Variants in SLC6A15 observed in about 807,000 individuals in gnomAD.
SLC6A15 encodes sodium-dependent neutral amino acid transporter B(0)AT2.
A neutral mutation model predicts 68.5 loss-of-function variants in SLC6A15; 33 were observed. The ratio of observed to expected loss-of-function variants is 0.48; its 90% CI spans 0.37 to 0.64. SLC6A15 has a LOEUF of 0.64. Among genes scored for constraint, SLC6A15 ranks in the 30% least tolerant of loss-of-function variants. The pLI, the probability that SLC6A15 is intolerant of heterozygous loss-of-function variation, is 0.00. For missense variants in SLC6A15, 747 were observed against 874.3 expected (o/e 0.85, Z 1.84); for synonymous variants, 347 against 301.0 (o/e 1.15, Z -1.58).
intron 1 of SLC6A15, among the ~76,000 whole-genome samples, chr12:84,901,080 A>G (rs184257781): frequency 2.0e-4 from 30 of 148,714 alleles, no homozygotes; most frequent in South Asian, 8.5e-4. Context: ...GTGTGTGTGT[A>G]TATATATATA....
chr12:84,910,148 C>T (rs1240579174), intron 1 of SLC6A15, among the ~76,000 whole-genome samples: 4 of 151,686 alleles, frequency 2.6e-5, no homozygotes, highest in Non-Finnish European at 5.9e-5. Context: ...TTTCTTAATT[C>T]GATTAAAATA....
chr12:84,893,549 C>T (rs1383628385), intron 1 of SLC6A15, among the ~76,000 whole-genome samples: 4 of 152,100 alleles, frequency 2.6e-5, no homozygotes, highest in African/African-American at 4.8e-5. Context: ...AATATGACTG[C>T]TTCTCTTCAA....
intron 1 of SLC6A15, among the ~76,000 whole-genome samples, chr12:84,897,468 G>A (rs953518073): frequency 6.6e-6 from 1 of 151,794 alleles, no homozygotes; most frequent in Non-Finnish European, 1.5e-5. Context: ...AAAAGCAGAG[G>A]TTTTGCTTGA....
At chr12:84,894,712 C>T (rs1872564832) in intron 1 of SLC6A15, among the ~76,000 whole-genome samples, 2 of 152,188 alleles carry the variant, frequency 1.3e-5, no homozygotes, top group South Asian at 4.1e-4. Flanking sequence ...GTTTTTTACA[C>T]ACCAAGTGAA....
intron 10 of SLC6A15, among the ~76,000 whole-genome samples, chr12:84,864,634 A>G (rs1870993565): frequency 6.6e-6 from 1 of 151,946 alleles, no homozygotes; most frequent in Non-Finnish European, 1.5e-5. Flanking sequence ...CTTAATCTCT[A>G]TGTTTCTCTT....
intron 4 of SLC6A15, among the ~76,000 whole-genome samples, chr12:84,884,640 C>T (rs1405260510): frequency 6.6e-6 from 1 of 152,054 alleles, no homozygotes; most frequent in African/African-American, 2.4e-5. Context: ...TCAGGTTTAT[C>T]ACCCCTACTA....
At chr12:84,899,869 T>A (rs1039085751) in intron 1 of SLC6A15, among the ~76,000 whole-genome samples, 4 of 152,138 alleles carry the variant, frequency 2.6e-5, no homozygotes, top group Non-Finnish European at 1.5e-5. Context: ...CCAAAATTTT[T>A]AAAATCATGA....
At chr12:84,897,385 G>C (rs1210457861) in intron 1 of SLC6A15, among the ~76,000 whole-genome samples, 1 of 151,852 alleles carries the variant, frequency 6.6e-6, no homozygotes, top group Non-Finnish European at 1.5e-5. Context: ...GTCAGCTAAA[G>C]GTAATCCAAC....
At chr12:84,876,441 A>G in intron 6 of SLC6A15, 56 bp downstream of exon 6, 1 of 891,476 alleles carries the variant, frequency 1.1e-6, no homozygotes, top group East Asian at 2.6e-5. Context: ...GAATATTTTA[A>G]CAATAAACAT....
chr12:84,912,191 T>C (rs1393720939), intron 1 of SLC6A15, among the ~76,000 whole-genome samples: 1 of 151,824 alleles, frequency 6.6e-6, no homozygotes, highest in Non-Finnish European at 1.5e-5. Context: ...TGGAAACGAG[T>C]AGGTCTCTGG....
chr12:84,867,204 G>T lies in SLC6A15; in HGVS notation c.1496-11C>A, dbSNP rs1443497302. ...GAAGACAACAGATAACTAGACAAAA[G>T]AAATAAATGAAAAAATGAGACTCTA... On this transcript the variant is annotated splice_polypyrimidine_tract_variant and intron_variant, in intron 9 of 11. Coordinates refer to ENST00000266682, the MANE Select transcript of SLC6A15 (RefSeq NM_182767.6). 7.7e-6 allele frequency: 12 copies of T among 1,555,952 alleles called. No homozygotes were observed. The highest frequency in any genetic ancestry group is 2.3e-5 in the East Asian group (1 of 42,928).
chr12:84,900,261 G>A (rs887028603), intron 1 of SLC6A15, among the ~76,000 whole-genome samples: 6 of 151,730 alleles, frequency 4.0e-5, no homozygotes, highest in African/African-American at 1.2e-4. Context: ...TCTTTTCTTA[G>A]GTTTCAATTA....
At chr12:84,885,666 T>C (rs1592604036) in intron 3 of SLC6A15, 105 bp from the exon 4 acceptor site, 5 of 1,245,742 alleles carry the variant, frequency 4.0e-6, no homozygotes, top group Non-Finnish European at 5.5e-6. Flanking sequence ...TCCTCTTCAT[T>C]TTATTATTTA....
intron 10 of SLC6A15, among the ~76,000 whole-genome samples, chr12:84,865,754 G>A (rs545360196): frequency 3.3e-5 from 5 of 152,200 alleles, no homozygotes; most frequent in African/African-American, 1.2e-4. Flanking sequence ...TAAGTAATGT[G>A]CATTAAAATT....
intron 1 of SLC6A15, among the ~76,000 whole-genome samples, chr12:84,898,271 T>C (rs1872713404): frequency 6.6e-6 from 1 of 152,044 alleles, no homozygotes; most frequent in African/African-American, 2.4e-5. Flanking sequence ...AGCCAGGAGG[T>C]GGATGTTGCA....
chr12:84,870,464 T>C lies in SLC6A15; in HGVS notation c.1495+14A>G. 6.6e-7 allele frequency: 1 copy of C among 1,514,846 alleles called. No individual in the cohort carries two copies. The highest frequency in any genetic ancestry group is 2.4e-5 in the East Asian group (1 of 41,920). 93.8% of individuals were successfully genotyped at this position (1,514,846 alleles called of 1,614,324 possible). On this transcript the variant is annotated intron_variant, in intron 9 of 11. Coordinates refer to ENST00000266682, the MANE Select transcript of SLC6A15 (RefSeq NM_182767.6). ...TGGATTTGTTCAATGAAAAGTCAAATACAAAAAACTCACCAGTAAGAATTT... is the reference window on the plus strand; with the variant it reads ...TGGATTTGTTCAATGAAAAGTCAAACACAAAAAACTCACCAGTAAGAATTT...
chr12:84,893,004 A>G (rs1308079495), intron 1 of SLC6A15, among the ~76,000 whole-genome samples: 1 of 152,124 alleles, frequency 6.6e-6, no homozygotes, highest in African/African-American at 2.4e-5. Flanking sequence ...TATGTTGCCT[A>G]GGCAGATCTC....
chr12:84,881,316 T>C, intron 5 of SLC6A15: 1 of 363,732 alleles, frequency 2.7e-6, no homozygotes, highest in Non-Finnish European at 3.8e-6. Context: ...CTTTCTTTCT[T>C]TGAAGGCTTA....
At chr12:84,902,612 G>C (rs1444991865) in intron 1 of SLC6A15, among the ~76,000 whole-genome samples, 1 of 151,906 alleles carries the variant, frequency 6.6e-6, no homozygotes, top group Non-Finnish European at 1.5e-5. Context: ...GCGTTTCAAT[G>C]GGTGAATGGT....
Sources: allele counts gnomAD v4.1 joint callset (sites outside exome capture counted in the v4.1 genomes callset), GRCh38; gene constraint gnomAD v4.1.1; transcripts MANE v1.5; gene names NCBI Gene and HGNC (gene_info 2026-07-23, HGNC 2026-07-21).